The following MYO15B variants were observed in gnomAD, a reference collection of about 807,000 sequenced individuals.
MYO15B encodes the protein myosin XVB pseudogene.
In MYO15B, 207 loss-of-function variants were observed where a neutral mutation model predicts 119.3. The observed-to-expected ratio is 1.73, with a 90% confidence interval of 1.55 to 1.95. The LOEUF is 1.95. Among genes scored for constraint, MYO15B ranks in the 30% most tolerant of loss-of-function variants. MYO15B has a pLI of 0.00. For synonymous variants in MYO15B, 966 were observed against 498.9 expected (o/e 1.94, Z -12.48); for missense variants, 2,264 against 1,203.1 (o/e 1.88, Z -13.04).
Position 75,614,904 on chromosome 17 carries a change from T to C in MYO15B, c.5559+55T>C, listed in dbSNP as rs1038891631. 5.7e-6 allele frequency: 4 copies of C among 702,782 alleles called. No homozygotes were observed. The African/African-American group carries it at 7.0e-5, about 12-fold the overall frequency. The allele number at this position is 702,782 out of a possible 1,614,324, so 43.5% of individuals were successfully genotyped here. ...TGCCCCAACCCCCCGGGGCCTCTGCTGCCCCTTCCATTTTTCTCAGGGCTC... is the reference window on the plus strand; with the variant it reads ...TGCCCCAACCCCCCGGGGCCTCTGCCGCCCCTTCCATTTTTCTCAGGGCTC... On this transcript the variant is annotated intron_variant, in intron 32 of 63. Coordinates refer to ENST00000645453, the Ensembl canonical transcript of MYO15B.
chr17:75,596,588 C>A, intron 13 of MYO15B, 33 bp downstream of exon 13: 4 of 702,302 alleles, frequency 5.7e-6, no homozygotes, highest in Non-Finnish European at 7.8e-6. Context: ...TGGCAGGGGC[C>A]GCTCAGGCAT....
At chr17:75,608,702 C>T (rs2057810381) in intron 21 of MYO15B, among the ~76,000 whole-genome samples, 1 of 151,638 alleles carries the variant, frequency 6.6e-6, no homozygotes, top group Non-Finnish European at 1.5e-5. Flanking sequence ...GGATTACGGG[C>T]ATAGGCCACC....
Position 75,618,124 on chromosome 17 carries a change from A to G in MYO15B, c.6928-2A>G. The G allele has an allele frequency of 5.7e-6, 4 of 703,234 alleles. No individual in the cohort carries two copies. In the South Asian group the frequency reaches 5.9e-5, roughly 10 times the overall value. The allele number at this position is 703,234 out of a possible 1,614,324, so 43.6% of individuals were successfully genotyped here. A position where few individuals can be genotyped will look rare whatever the true frequency, so the allele number is the denominator to read the frequency against. Reference sequence around the variant, plus strand: ...TCTTTGCCCTTCTGTGCCCTCCTCCAGGTGTTCTACCCACGGGAGAACTTC... The same window carrying G: ...TCTTTGCCCTTCTGTGCCCTCCTCCGGGTGTTCTACCCACGGGAGAACTTC... On this transcript the variant is annotated splice_acceptor_variant, in intron 42 of 63. Coordinates refer to ENST00000645453, the Ensembl canonical transcript of MYO15B. LOFTEE classifies it high-confidence loss of function.
exon 15 of MYO15B, chr17:75,601,531 G>A (rs866725429): frequency 2.3e-5 from 16 of 703,142 alleles, no homozygotes; most frequent in Middle Eastern, 4.6e-4. Context: ...CGTGTTCACC[G>A]TGCGACATTA....
rs1476893025 is a variant in MYO15B, at chr17:75,621,001, C to A, written c.7726-30C>A. The A allele has an allele frequency of 8.5e-6, 6 of 702,806 alleles. No individual in the cohort carries two copies. The Admixed American group carries it at 1.2e-4, about 14-fold the overall frequency. The allele number at this position is 702,806 out of a possible 1,614,324, so 43.5% of individuals were successfully genotyped here. A position where few individuals can be genotyped will look rare whatever the true frequency, so the allele number is the denominator to read the frequency against. On this transcript the variant is annotated intron_variant, in intron 49 of 63. Coordinates refer to ENST00000645453, the Ensembl canonical transcript of MYO15B. The stretch of plus-strand genomic sequence containing the variant: ...CCCCTGGGACAGGGCACTGGACACT[C>A]AGGTGGCACCAGGTTTCTTGTGATC...
At chr17:75,592,185 G>T (rs1568114952) in intron 6 of MYO15B, 53 bp from the exon 7 acceptor site, 1 of 701,732 alleles carries the variant, frequency 1.4e-6, no homozygotes, top group Non-Finnish European at 2.6e-6. Context: ...TCTGCACGGG[G>T]CCCCTGGGTG....
Position 75,589,346 on chromosome 17 carries a change from A to C in MYO15B, c.1289A>C (p.Asp430Ala), listed in dbSNP as rs909367143. 1.7e-4 allele frequency: 54 copies of C among 319,550 alleles called. No homozygotes were observed. Among genetic ancestry groups the C allele is most frequent in the African/African-American group, 1.4e-3 (49 of 34,338 alleles). 19.8% of individuals were successfully genotyped at this position (319,550 alleles called of 1,614,324 possible). A position where few individuals can be genotyped will look rare whatever the true frequency, so the allele number is the denominator to read the frequency against. ...AAGGGGCGGGGCCGCGGGAAAGCGG[A>C]TGAAGGGCGGGGCCACGAGCGAGGG... The change falls in exon 1 of 64, where the codon GAT (aspartate) becomes GCT (alanine). Residue 430 changes from aspartate (D) to alanine (A), a missense_variant. Asp to Ala is a moderately radical substitution (Grantham distance 126). Transcript: ENST00000645453. The surrounding 1 kb of genome is among the most constrained non-coding windows in gnomAD (Gnocchi z 4.2).
exon 1 of MYO15B, chr17:75,590,173 C>T (rs2056343345): frequency 2.5e-6 from 1 of 399,114 alleles, no homozygotes; most frequent in East Asian, 3.6e-5. Flanking sequence ...GGAGGCGCCA[C>T]CCTTCCCCGG....
chr17:75,624,266 C>G, exon 56 of MYO15B: 1 of 702,952 alleles, frequency 1.4e-6, no homozygotes, highest in Non-Finnish European at 2.6e-6. Flanking sequence ...TGAAGGCTTT[C>G]CTGGTACTGG....
In MYO15B at chr17:75,613,831, C is replaced by T. The variant is rs1021178733; in HGVS notation, c.5219+54C>T. 29 of 652,438 alleles carry T rather than the reference C, an allele frequency of 4.4e-5. No homozygotes were observed. The South Asian group carries it at 4.9e-4, about 11-fold the overall frequency. 40.4% of individuals were successfully genotyped at this position (652,438 alleles called of 1,614,324 possible). A position where few individuals can be genotyped will look rare whatever the true frequency, so the allele number is the denominator to read the frequency against. On this transcript the variant is annotated intron_variant, in intron 29 of 63. Transcript: ENST00000645453. ...TGGCCAAAGTGACCCTTGTCCTATA[C>T]CCTCCTCCTTCTCCAAGCCCAGTCT...
chr17:75,588,087 G>C, exon 1 of MYO15B: 1 of 398,328 alleles, frequency 2.5e-6, no homozygotes, highest in Admixed American at 4.4e-5. Flanking sequence ...AAGCGCCCCA[G>C]CGCCTGGAGA....
chr17:75,596,513 C>T (rs755322210), exon 13 of MYO15B: 1 of 703,056 alleles, frequency 1.4e-6, no homozygotes, highest in South Asian at 1.5e-5. Context: ...CCAGCGAGCG[C>T]CTACAGCTCT....
In MYO15B at chr17:75,624,275, G is replaced by A. The variant is rs954420442; in HGVS notation, c.8367+6G>A. On this transcript the variant is annotated splice_donor_region_variant and intron_variant, in intron 56 of 63. Transcript: ENST00000645453. ...GTGAAATGAAGGCTTTCCTGGTACT[G>A]GGGGTGGCGGATGGGCATTGTGGGA... is the stretch of plus-strand genomic sequence containing the variant. 7 of 702,936 alleles carry A rather than the reference G, an allele frequency of 1.0e-5. No homozygotes were observed. The highest frequency in any genetic ancestry group is 7.4e-5 in the South Asian group (5 of 67,580). 43.5% of individuals were successfully genotyped at this position (702,936 alleles called of 1,614,324 possible).
At chr17:75,594,304 A>G (rs1291338261) in intron 9 of MYO15B, among the ~76,000 whole-genome samples, 171 bp from the exon 10 acceptor site, 1 of 152,062 alleles carries the variant, frequency 6.6e-6, no homozygotes, top group Non-Finnish European at 1.5e-5. Context: ...TAGGACTCGA[A>G]CTCAGGGCCC....
exon 14 of MYO15B, chr17:75,596,886 C>A: frequency 1.4e-6 from 1 of 701,660 alleles, no homozygotes; most frequent in South Asian, 1.5e-5. Context: ...GACGCCCAGA[C>A]ATGGCTGTCC....
exon 29 of MYO15B, chr17:75,613,729 A>G: frequency 2.8e-6 from 2 of 702,248 alleles, no homozygotes; most frequent in East Asian, 5.4e-5. Context: ...GCCGAGGTGG[A>G]GTCTTGGACC....
At chr17:75,602,324 A>G (rs1304357520) in intron 15 of MYO15B, 193 bp from the exon 16 acceptor site, 2 of 695,196 alleles carry the variant, frequency 2.9e-6, no homozygotes, top group African/African-American at 3.5e-5. Context: ...TGGGGACTGG[A>G]CCTGTCCATG....
rs1455913627 is a variant in MYO15B, at chr17:75,589,859, G to A, written c.1802G>A (p.Arg601His). Residue 601 changes from arginine (R) to histidine (H), a missense_variant, in exon 1 of 64, where the codon CGC (arginine) becomes CAC (histidine). By Grantham distance (29) the Arg-to-His change is conservative. Transcript: ENST00000645453. The surrounding 1 kb of genome is among the most constrained non-coding windows in gnomAD (Gnocchi z 4.2). ...GGGGAAGGGGTGTCCGGGCTTCGTC[G>A]CGGCTCCCTCCTTGCCCCGACTGCA... 3 of 398,418 alleles carry A rather than the reference G, an allele frequency of 7.5e-6. No individual in the cohort carries two copies. The South Asian group carries it at 3.8e-4, about 51-fold the overall frequency. 24.7% of individuals were successfully genotyped at this position (398,418 alleles called of 1,614,324 possible).
At chr17:75,596,399 G>T in intron 12 of MYO15B, 61 bp from the exon 13 acceptor site, 1 of 696,494 alleles carries the variant, frequency 1.4e-6, no homozygotes, top group East Asian at 2.7e-5. Flanking sequence ...AATGAAGGAA[G>T]CCTCTGGGGT....
Sources: allele counts gnomAD v4.1 joint callset (sites outside exome capture counted in the v4.1 genomes callset), GRCh38; gene constraint gnomAD v4.1.1; non-coding constraint Gnocchi (gnomAD v3.1); transcripts MANE v1.5; gene names NCBI Gene and HGNC (gene_info 2026-07-23, HGNC 2026-07-21).